Variants in DNAH2 observed in about 807,000 individuals in gnomAD.
The protein encoded by DNAH2 is axonemal beta dynein heavy chain 2.
A neutral mutation model predicts 523.5 loss-of-function variants in DNAH2; 323 were observed. The observed-to-expected ratio is 0.62, with a 90% CI of 0.56 to 0.68. The LOEUF (loss-of-function observed/expected upper bound fraction) is 0.68, where lower values mean the gene tolerates loss of function less well. Among genes scored for constraint, DNAH2 ranks in the 30% least tolerant of loss-of-function variants. The probability of loss-of-function intolerance (pLI) is 0.00; values close to 1 mark genes in which losing one functional copy is unlikely to be tolerated. For missense variants in DNAH2, 4,907 were observed against 5,701.5 expected (o/e 0.86, Z 4.49); for synonymous variants, 2,093 against 2,177.4 (o/e 0.96, Z 1.08).
chr17:7,727,454 C>A (rs551197380), intron 4 of DNAH2, among the ~76,000 whole-genome samples, 162 bp downstream of exon 4: 1 of 152,096 alleles, frequency 6.6e-6, no homozygotes, highest in African/African-American at 2.4e-5. Context: ...AGAAGGATGA[C>A]GCAAGAACGC....
intron 4 of DNAH2, among the ~76,000 whole-genome samples, chr17:7,727,906 G>A (rs923584872): frequency 6.6e-6 from 1 of 152,098 alleles, no homozygotes; most frequent in African/African-American, 2.4e-5. Context: ...ATTCTGGGAA[G>A]CCTTGATGGT....
At chr17:7,815,336 G>A (rs752035015) in intron 63 of DNAH2, among the ~76,000 whole-genome samples, 1 of 152,238 alleles carries the variant, frequency 6.6e-6, no homozygotes. Context: ...CTATTTCCAC[G>A]ATGTGGGCTG....
chr17:7,793,447 T>TTCTTTTTC (rs774059490), intron 48 of DNAH2, among the ~76,000 whole-genome samples: 9,984 of 95,632 alleles, frequency 0.1, 571 homozygotes, highest in East Asian at 0.16. Flanking sequence ...CTTTCTTTCT[T>TTCTTTTTC]TTTCTTTCTT....
At chr17:7,763,077 G>C (rs1355785080) in intron 18 of DNAH2, among the ~76,000 whole-genome samples, 1 of 151,972 alleles carries the variant, frequency 6.6e-6, no homozygotes, top group Non-Finnish European at 1.5e-5. Context: ...CCGGGTTCAA[G>C]TGATTCTTCT....
chr17:7,788,908 T>C (rs1247368320), intron 44 of DNAH2, among the ~76,000 whole-genome samples: 3 of 152,226 alleles, frequency 2.0e-5, no homozygotes, highest in African/African-American at 7.2e-5. Flanking sequence ...CTCACGCCTG[T>C]AATCCCAGCA....
chr17:7,733,481 T>C (rs942856743), intron 5 of DNAH2, among the ~76,000 whole-genome samples, 166 bp downstream of exon 5: 5 of 146,560 alleles, frequency 3.4e-5, no homozygotes, highest in African/African-American at 1.3e-4. Flanking sequence ...TCTTCTTTTT[T>C]TTTTTTTTTT....
intron 20 of DNAH2, among the ~76,000 whole-genome samples, chr17:7,765,079 C>A (rs562944182): frequency 4.6e-5 from 7 of 152,160 alleles, no homozygotes; most frequent in Non-Finnish European, 8.8e-5. Context: ...TTAGGCCTGG[C>A]AAACTCACAC....
Position 7,832,562 on chromosome 17 carries a change from A to T in DNAH2, c.12727-17A>T. 6.2e-7 allele frequency: 1 copy of T among 1,612,768 alleles called. No individual in the cohort carries two copies. On this transcript the variant is annotated splice_polypyrimidine_tract_variant and intron_variant, in intron 82 of 85. Transcript: ENST00000572933. This position sits in a 1 kb window ranked among gnomAD's most constrained non-coding sequence, Gnocchi z 4.3. ...TGCACGGCTAAATGAGTGAATACAC[A>T]CGCACTCCTTCCCCAGGCATACCCC... is the stretch of plus-strand genomic sequence containing the variant.
chr17:7,752,051 G>A (rs1029261829), intron 12 of DNAH2, among the ~76,000 whole-genome samples: 18 of 150,468 alleles, frequency 1.2e-4, no homozygotes, highest in Admixed American at 6.0e-4. Context: ...ATCCTCTTCC[G>A]CCTCAGCCCC....
At chr17:7,794,033 C>G (rs927955030) in intron 48 of DNAH2, among the ~76,000 whole-genome samples, 1 of 152,182 alleles carries the variant, frequency 6.6e-6, no homozygotes, top group African/African-American at 2.4e-5. Flanking sequence ...CAGACAAATG[C>G]ATTCCTGGTA....
At position 7,807,391 on chromosome 17, in the gene DNAH2, G is replaced by A. The variant is rs2151303974; in HGVS notation, c.9612+72G>A. 12 of 1,605,380 alleles carry A rather than the reference G, an allele frequency of 7.5e-6. No homozygotes were observed. Among genetic ancestry groups the A allele is most frequent in the South Asian group, 1.1e-5 (1 of 90,728 alleles). ...GGGGAGTGCGGATGCACAGACCCAG[G>A]TGGAAGGAGGGGATGCCTGGAGGTG... On this transcript the variant is annotated intron_variant, in intron 62 of 85. Coordinates refer to ENST00000572933, the MANE Select transcript of DNAH2 (RefSeq NM_020877.5). The surrounding 1 kb of genome is among the most constrained non-coding windows in gnomAD (Gnocchi z 5.6).
chr17:7,776,010 C>T lies in DNAH2; in HGVS notation c.4822-14C>T. On this transcript the variant is annotated splice_polypyrimidine_tract_variant and intron_variant, in intron 30 of 85. Coordinates refer to ENST00000572933, the MANE Select transcript of DNAH2 (RefSeq NM_020877.5). ...CCTCAGGCTGAGCTGCCCTATTCTC[C>T]CACCTCCCCCCAGTCCTGGCTTGGC... is the stretch of plus-strand genomic sequence containing the variant. The T allele has an allele frequency of 6.2e-7, 1 of 1,613,456 alleles. No individual in the cohort carries two copies. Among genetic ancestry groups the T allele is most frequent in the Non-Finnish European group, 8.5e-7 (1 of 1,179,522 alleles).
intron 63 of DNAH2, among the ~76,000 whole-genome samples, chr17:7,809,043 T>C (rs2077441739): frequency 6.6e-6 from 1 of 152,232 alleles, no homozygotes; most frequent in Admixed American, 6.5e-5. Context: ...TATTTAACTG[T>C]TCCCCATTTG....
At chr17:7,745,371 G>T (rs2151165820) in intron 12 of DNAH2, among the ~76,000 whole-genome samples, 1 of 152,266 alleles carries the variant, frequency 6.6e-6, no homozygotes, top group South Asian at 2.1e-4. Context: ...TGTGTAGGAG[G>T]TAGGAGAGGA....
Position 7,771,401 on chromosome 17 carries a change from C to G in DNAH2, c.4434C>G (p.Ser1478Arg), listed in dbSNP as rs748514054. Residue 1478 changes from serine to arginine, a missense_variant, in exon 28 of 86, where the codon AGC (serine) becomes AGG (arginine). Transcript: ENST00000572933. Reference sequence around the variant, plus strand: ...CGACCTTATTTGACCAGGTCAACAGCAACTGGAAAGCCATCATGGACAGGA... The same window carrying G: ...CGACCTTATTTGACCAGGTCAACAGGAACTGGAAAGCCATCATGGACAGGA... The part of the protein sequence containing the change: ...NESTLFDQVN[S>R]NWKAIMDRMN... The G allele has an allele frequency of 4.3e-6, 7 of 1,614,096 alleles. No homozygotes were observed. Among genetic ancestry groups the G allele is most frequent in the Non-Finnish European group, 5.1e-6 (6 of 1,179,988 alleles).
intron 13 of DNAH2, 98 bp from the exon 14 acceptor site, chr17:7,758,397 T>C: frequency 2.1e-6 from 3 of 1,409,710 alleles, no homozygotes; most frequent in South Asian, 1.5e-5. Context: ...TCTAGACTAG[T>C]GGTCTAGAAA....
At chr17:7,820,685 G>C (rs1042429134) in intron 72 of DNAH2, among the ~76,000 whole-genome samples, 3 of 152,186 alleles carry the variant, frequency 2.0e-5, no homozygotes, top group Admixed American at 6.5e-5. Flanking sequence ...CTAGCAGAGT[G>C]CCTGGCAAGA....
chr17:7,829,422 C>T (rs958084639), intron 77 of DNAH2, among the ~76,000 whole-genome samples: 1 of 152,170 alleles, frequency 6.6e-6, no homozygotes, highest in Non-Finnish European at 1.5e-5. Context: ...ATTCTGTCCT[C>T]GGTGCCTTTA....
rs769138399 is a variant in DNAH2 at position 7,830,687 on chromosome 17, C to T, written c.12075C>T (p.Leu4025=). 62 of 1,614,084 alleles carry T rather than the reference C, an allele frequency of 3.8e-5. No individual in the cohort carries two copies. The highest frequency in any genetic ancestry group is 4.6e-5 in the Non-Finnish European group (54 of 1,180,050). The change falls in exon 79 of 86, where the codon CTC becomes CTT. Residue 4025 remains leucine (L), a synonymous_variant. Coordinates refer to ENST00000572933, the MANE Select transcript of DNAH2 (RefSeq NM_020877.5). ...CAGAAAACTTGCTGAGCCTCTATCT[C>T]GATGAGTACGAGGAGACACCTTGGG... The part of the protein sequence containing the change: ...EVSENLLSLY[L]DEYEETPWDA...
Sources: gnomAD v4.1 joint callset for allele counts (sites outside exome capture counted in the v4.1 genomes callset) on GRCh38, gnomAD v4.1.1 for gene constraint, Gnocchi (gnomAD v3.1) non-coding constraint, MANE v1.5 for transcripts, NCBI Gene and HGNC (gene_info 2026-07-23, HGNC 2026-07-21) for gene names.